The following DCAF8L2 variants were observed in gnomAD, a reference collection of about 807,000 sequenced individuals.
The protein encoded by DCAF8L2 is DDB1 and CUL4 associated factor 8 like 2.
For missense variants in DCAF8L2, 430 were observed against 490.7 expected (o/e 0.88, Z 1.17); for synonymous variants, 200 against 190.9 (o/e 1.05, Z -0.39).
At chrX:27,737,157 A>G (rs1027949314) in intron 4 of DCAF8L2, among the ~76,000 whole-genome samples, 1 of 111,901 alleles carries the variant, frequency 8.9e-6, no homozygotes, top group South Asian at 3.7e-4. Flanking sequence ...ATATAAATGG[A>G]TATAATTCAT....
At chrX:27,696,113 C>T (rs1168682759) in intron 3 of DCAF8L2, among the ~76,000 whole-genome samples, 2 of 106,847 alleles carry the variant, frequency 1.9e-5, no homozygotes, top group Non-Finnish European at 3.8e-5. Flanking sequence ...GCAGGATAAT[C>T]GCTTGAACCT....
chrX:27,720,389 C>T (rs957347413), intron 4 of DCAF8L2, among the ~76,000 whole-genome samples: 6 of 109,219 alleles, frequency 5.5e-5, no homozygotes, highest in Non-Finnish European at 1.1e-4. Flanking sequence ...TTTTTTGAGA[C>T]GGAGTCTCGC....
the DCAF8L2 span, among the ~76,000 whole-genome samples, chrX:27,477,578 C>G: frequency 8.9e-6 from 1 of 112,007 alleles, no homozygotes; most frequent in African/African-American, 3.2e-5. Context: ...TGAGCCACTG[C>G]GCCCGGCCTC....
rs1273314751 is a variant in DCAF8L2, at chrX:27,618,191, C to T, written c.-341-13688C>T. ...ACATAGAAAACATTTGAACAATATACAGTAGGATGAAAAACATTCATTTCC... is the reference window on the plus strand; with the variant it reads ...ACATAGAAAACATTTGAACAATATATAGTAGGATGAAAAACATTCATTTCC... On this transcript the variant is annotated intron_variant, in intron 1 of 4. Coordinates refer to ENST00000451261, the MANE Select transcript of DCAF8L2 (RefSeq NM_001353450.2). Among the ~76,000 whole-genome samples, 4 of 111,611 alleles carry T rather than the reference C, an allele frequency of 3.6e-5. No individual in the cohort carries two copies. The South Asian group carries it at 1.5e-3, about 41-fold the overall frequency.
At chrX:27,574,120 C>A in the DCAF8L2 span, among the ~76,000 whole-genome samples, 1 of 110,655 alleles carries the variant, frequency 9.0e-6, no homozygotes, top group Non-Finnish European at 1.9e-5. Flanking sequence ...ACACATGAGC[C>A]ACCATGCCTG....
chrX:27,704,167 T>C (rs375829889), intron 3 of DCAF8L2, among the ~76,000 whole-genome samples: 2 of 62,217 alleles, frequency 3.2e-5, no homozygotes, highest in African/African-American at 8.7e-5. Context: ...TATATATATA[T>C]ATATATACAT....
chrX:27,620,486 T>C (rs1213611576), intron 1 of DCAF8L2, among the ~76,000 whole-genome samples: 1 of 111,771 alleles, frequency 8.9e-6, no homozygotes, highest in Non-Finnish European at 1.9e-5. Flanking sequence ...TGATGAAAGA[T>C]AATGTGAAGA....
At chrX:27,544,961 G>A in the DCAF8L2 span, among the ~76,000 whole-genome samples, 1 of 112,107 alleles carries the variant, frequency 8.9e-6, no homozygotes, top group African/African-American at 3.2e-5. Context: ...TTTCTTGAAT[G>A]TCCTATGCCT....
intron 3 of DCAF8L2, among the ~76,000 whole-genome samples, chrX:27,711,855 A>T (rs1931544716): frequency 9.0e-6 from 1 of 110,751 alleles, no homozygotes; most frequent in Admixed American, 9.6e-5. Flanking sequence ...AAGTTAGCTA[A>T]CTATGAATTC....
chrX:27,553,498 A>G, the DCAF8L2 span, among the ~76,000 whole-genome samples: 2 of 93,672 alleles, frequency 2.1e-5, no homozygotes, highest in South Asian at 4.3e-4. Flanking sequence ...TTGTCATTAT[A>G]TAATGACCTT....
At chrX:27,665,614 G>A (rs1394800777) in intron 2 of DCAF8L2, among the ~76,000 whole-genome samples, 1 of 111,567 alleles carries the variant, frequency 9.0e-6, no homozygotes, top group East Asian at 2.8e-4. Flanking sequence ...ACATGCTACA[G>A]AGAAATCTTT....
chrX:27,689,971 AT>A (rs1401779044), intron 3 of DCAF8L2, among the ~76,000 whole-genome samples: 10 of 111,985 alleles, frequency 8.9e-5, no homozygotes, highest in African/African-American at 3.2e-4. Context: ...TTATAGTCCT[AT>A]TCATGTTAAA....
At chrX:27,595,760 C>T (rs1926323875) in intron 1 of DCAF8L2, among the ~76,000 whole-genome samples, 1 of 112,157 alleles carries the variant, frequency 8.9e-6, no homozygotes, top group South Asian at 3.6e-4. Flanking sequence ...GTAATCCCAG[C>T]ATGTTGGGAG....
the DCAF8L2 span, among the ~76,000 whole-genome samples, chrX:27,562,186 A>G: frequency 8.9e-5 from 10 of 112,332 alleles, no homozygotes; most frequent in Admixed American, 2.8e-4. Context: ...CATGTGCTCC[A>G]CTATCCTTTT....
intron 4 of DCAF8L2, among the ~76,000 whole-genome samples, chrX:27,741,138 A>C: frequency 8.9e-6 from 1 of 112,342 alleles, no homozygotes; most frequent in Non-Finnish European, 1.9e-5. Context: ...CTAATAAGCA[A>C]ATATGAAAAG....
the DCAF8L2 span, among the ~76,000 whole-genome samples, chrX:27,564,647 T>C: frequency 9.1e-6 from 1 of 109,600 alleles, no homozygotes; most frequent in Non-Finnish European, 1.9e-5. Flanking sequence ...ATGGCGAGAC[T>C]GGAAATGGGT....
intron 2 of DCAF8L2, among the ~76,000 whole-genome samples, chrX:27,666,103 A>G (rs1440167332): frequency 8.9e-6 from 1 of 111,967 alleles, no homozygotes; most frequent in Non-Finnish European, 1.9e-5. Flanking sequence ...TCTTTCATCA[A>G]TAATTATATT....
chrX:27,549,124 G>A, the DCAF8L2 span, among the ~76,000 whole-genome samples: 1 of 111,624 alleles, frequency 9.0e-6, no homozygotes. Flanking sequence ...TGTAGAATCA[G>A]TAGGAGGTAG....
At chrX:27,658,671 G>A (rs1321428589) in intron 2 of DCAF8L2, among the ~76,000 whole-genome samples, 1 of 111,666 alleles carries the variant, frequency 9.0e-6, no homozygotes, top group Non-Finnish European at 1.9e-5. Context: ...AGCATCATAT[G>A]TAATAAATGC....
Sources: gnomAD v4.1 joint callset for allele counts (sites outside exome capture counted in the v4.1 genomes callset) on GRCh38, gnomAD v4.1.1 for gene constraint, MANE v1.5 for transcripts, NCBI Gene and HGNC (gene_info 2026-07-23, HGNC 2026-07-21) for gene names.